The following SGCD variants were observed in gnomAD, a reference collection of about 807,000 sequenced individuals.
SGCD encodes delta-sarcoglycan.
A neutral mutation model predicts 36.6 loss-of-function variants in SGCD; 18 were observed. The observed-to-expected ratio is 0.49, with a 90% confidence interval of 0.34 to 0.73. The LOEUF (loss-of-function observed/expected upper bound fraction) is 0.73, where lower values mean the gene tolerates loss of function less well. Ranked by LOEUF, SGCD falls within the 30% of genes least tolerant of loss-of-function variation. The probability of loss-of-function intolerance (pLI) is 0.01; values close to 1 mark genes in which losing one functional copy is unlikely to be tolerated. For synonymous variants in SGCD, 133 were observed against 130.6 expected (o/e 1.02, Z -0.12); for missense variants, 387 against 346.7 (o/e 1.12, Z -0.92).
chr5:156,673,176 A>G (rs1753371809), intron 7 of SGCD, among the ~76,000 whole-genome samples: 1 of 152,204 alleles, frequency 6.6e-6, no homozygotes, highest in South Asian at 2.1e-4. Context: ...TCTGCAACAC[A>G]TTGTTTATGA....
intron 7 of SGCD, among the ~76,000 whole-genome samples, chr5:156,718,893 A>ATT (rs901484129): frequency 6.6e-6 from 1 of 151,528 alleles, no homozygotes; most frequent in African/African-American, 2.4e-5. Context: ...TTATATATAT[A>ATT]TAAAGATGAA....
At chr5:156,471,994 T>A (rs1000962585) in intron 3 of SGCD, among the ~76,000 whole-genome samples, 2 of 152,068 alleles carry the variant, frequency 1.3e-5, no homozygotes, top group Non-Finnish European at 2.9e-5. Context: ...AATGGCCAAT[T>A]AAGCACATGA....
rs114158576 is a variant in SGCD at position 156,567,580 on chromosome 5, G to A, written c.295-21651G>A. 9.3e-3 allele frequency among the ~76,000 whole-genome samples: 1,409 copies of A among 152,170 alleles called. 6 individuals are homozygous for A. The highest frequency in any genetic ancestry group is 0.015 in the Non-Finnish European group (1,020 of 67,998). On this transcript the variant is annotated intron_variant, in intron 4 of 8. Transcript: ENST00000337851. Reference sequence around the variant, plus strand: ...TTTTGCCCAGGGAAGGTCAGCCTTCGTCCTGTTTAGGCCTTCAACTGAATC... The same window carrying A: ...TTTTGCCCAGGGAAGGTCAGCCTTCATCCTGTTTAGGCCTTCAACTGAATC...
intron 3 of SGCD, among the ~76,000 whole-genome samples, chr5:156,181,459 G>A (rs1763604653): frequency 1.3e-5 from 2 of 151,974 alleles, no homozygotes; most frequent in South Asian, 2.1e-4. Flanking sequence ...TTATTCAAAG[G>A]GATTATTAAA....
chr5:156,482,832 T>TTTTG (rs1755497536), intron 3 of SGCD, among the ~76,000 whole-genome samples: 1 of 146,486 alleles, frequency 6.8e-6, no homozygotes, highest in Non-Finnish European at 1.5e-5. Flanking sequence ...TTTTTTTTTT[T>TTTTG]TTTTTTAAGT....
At chr5:155,816,272 A>G in the SGCD span, among the ~76,000 whole-genome samples, 1 of 152,198 alleles carries the variant, frequency 6.6e-6, no homozygotes, top group Non-Finnish European at 1.5e-5. Context: ...CCCAAAACTT[A>G]ACTATTAATA....
At chr5:155,897,885 G>T (rs1278407596) in intron 1 of SGCD, among the ~76,000 whole-genome samples, 1 of 152,120 alleles carries the variant, frequency 6.6e-6, no homozygotes, top group East Asian at 1.9e-4. Context: ...AAACTGACTT[G>T]TTCCTTCTAC....
intron 3 of SGCD, among the ~76,000 whole-genome samples, chr5:156,245,689 C>T (rs993262299): frequency 6.6e-6 from 1 of 151,832 alleles, no homozygotes; most frequent in South Asian, 2.1e-4. Context: ...GATAAATGAG[C>T]CCATTAAATA....
the SGCD span, among the ~76,000 whole-genome samples, chr5:155,783,751 C>T: frequency 6.6e-6 from 1 of 152,154 alleles, no homozygotes; most frequent in African/African-American, 2.4e-5. Flanking sequence ...TCTAGATCTC[C>T]AATTCCAGGA....
intron 1 of SGCD, among the ~76,000 whole-genome samples, chr5:156,034,408 G>A (rs1206210943): frequency 2.6e-5 from 4 of 152,220 alleles, no homozygotes; most frequent in African/African-American, 9.6e-5. Flanking sequence ...ATCAGGTCAT[G>A]TAATTAGGTG....
At chr5:156,347,520 T>C (rs1023663461) in intron 3 of SGCD, among the ~76,000 whole-genome samples, 1 of 152,106 alleles carries the variant, frequency 6.6e-6, no homozygotes, top group Non-Finnish European at 1.5e-5. Flanking sequence ...GGTTTTAGGA[T>C]GGTGAGATGG....
intron 7 of SGCD, among the ~76,000 whole-genome samples, chr5:156,684,968 G>T (rs1316183446): frequency 6.6e-6 from 1 of 152,124 alleles, no homozygotes; most frequent in South Asian, 2.1e-4. Context: ...ATCATCTGCA[G>T]AAGAGAAAGA....
intron 3 of SGCD, among the ~76,000 whole-genome samples, chr5:156,291,431 C>CT (rs1467896282): frequency 6.6e-6 from 1 of 151,970 alleles, no homozygotes; most frequent in Admixed American, 6.6e-5. Context: ...ATGAGCATAA[C>CT]TATGTTCCAA....
the SGCD span, among the ~76,000 whole-genome samples, chr5:155,756,997 G>A: frequency 2.6e-5 from 4 of 152,168 alleles, no homozygotes; most frequent in Non-Finnish European, 5.9e-5. Context: ...GGTATTCACG[G>A]TAAGCAGTGG....
intron 1 of SGCD, among the ~76,000 whole-genome samples, chr5:156,033,881 T>G (rs1389299391): frequency 2.6e-5 from 4 of 152,108 alleles, no homozygotes; most frequent in African/African-American, 9.7e-5. Context: ...ACATTGCCCA[T>G]TTTTGCACTT....
At chr5:156,039,172 G>T (rs938130664) in intron 1 of SGCD, among the ~76,000 whole-genome samples, 1 of 151,866 alleles carries the variant, frequency 6.6e-6, no homozygotes, top group Non-Finnish European at 1.5e-5. Flanking sequence ...GAACCAATAA[G>T]ACCATTTAGT....
intron 1 of SGCD, among the ~76,000 whole-genome samples, chr5:156,069,593 A>G (rs1218084969): frequency 6.6e-6 from 1 of 151,922 alleles, no homozygotes; most frequent in African/African-American, 2.4e-5. Flanking sequence ...CTTAGGATTG[A>G]CTTGGCAATG....
intron 1 of SGCD, among the ~76,000 whole-genome samples, chr5:156,084,840 C>A (rs906738689): frequency 3.3e-5 from 5 of 152,080 alleles, no homozygotes; most frequent in African/African-American, 1.2e-4. Flanking sequence ...CCGTGGATTC[C>A]TTTTATCAGT....
intron 3 of SGCD, among the ~76,000 whole-genome samples, chr5:156,290,136 G>A (rs933972681): frequency 6.6e-6 from 1 of 152,122 alleles, no homozygotes; most frequent in Non-Finnish European, 1.5e-5. Flanking sequence ...TGGTGAGAGT[G>A]CTGTGGGTCC....
Sources: allele counts gnomAD v4.1 joint callset (sites outside exome capture counted in the v4.1 genomes callset), GRCh38; gene constraint gnomAD v4.1.1; transcripts MANE v1.5; gene names NCBI Gene and HGNC (gene_info 2026-07-23, HGNC 2026-07-21).